The following PLEK variants were observed in gnomAD, a reference collection of about 807,000 sequenced individuals.
PLEK encodes the protein pleckstrin.
Under a neutral mutation model 43.9 loss-of-function variants are expected in PLEK, and 25 were observed. The observed-to-expected ratio is 0.57, with a 90% confidence interval of 0.41 to 0.79. The LOEUF is 0.79. Among genes scored for constraint, PLEK ranks in the 30% least tolerant of loss-of-function variants. The pLI is 0.00. For missense variants in PLEK, 396 were observed against 413.3 expected, an observed-to-expected ratio of 0.96 and a Z score of 0.36; for synonymous variants, 152 against 144.4, an observed-to-expected ratio of 1.05 and a Z score of -0.38.
At chr2:68,373,664 C>T (rs1004393678) in intron 1 of PLEK, among the ~76,000 whole-genome samples, 2 of 151,928 alleles carry the variant, frequency 1.3e-5, no homozygotes, top group Admixed American at 1.3e-4. Context: ...GCATGCAATG[C>T]CAGCTTATCG....
intron 2 of PLEK, 105 bp from the exon 3 acceptor site, chr2:68,380,618 G>T: frequency 7.0e-7 from 1 of 1,425,536 alleles, no homozygotes; most frequent in South Asian, 1.3e-5. Flanking sequence ...CTGGCATTTG[G>T]GTTTCTCTTG....
chr2:68,382,636 A>G lies in PLEK; in HGVS notation c.472+3A>G, dbSNP rs761478468. ...GATTTTTAATCACTGCTTCACAGGT[A>G]AAAGCACTTGCAGGCCTGAAATAGG... is the stretch of plus-strand genomic sequence containing the variant. On this transcript the variant is annotated splice_donor_region_variant and intron_variant, in intron 4 of 8. Coordinates refer to ENST00000234313, the MANE Select transcript of PLEK (RefSeq NM_002664.3). The G allele has an allele frequency of 1.9e-6, 3 of 1,549,322 alleles. No individual in the cohort carries two copies. The highest frequency in any genetic ancestry group is 2.7e-6 in the Non-Finnish European group (3 of 1,121,638).
At position 68,396,083 on chromosome 2, in the gene PLEK, G is replaced by T; in HGVS notation, c.*267G>T. 5.7e-6 allele frequency: 2 copies of T among 351,396 alleles called. No individual in the cohort carries two copies. Among genetic ancestry groups the T allele is most frequent in the Non-Finnish European group, 1.0e-5 (2 of 191,570 alleles). 21.8% of individuals were successfully genotyped at this position (351,396 alleles called of 1,614,324 possible). On this transcript the variant is annotated 3_prime_UTR_variant, in exon 9 of 9. Coordinates refer to ENST00000234313, the MANE Select transcript of PLEK (RefSeq NM_002664.3). ...TCAGTAGGCTGCTTGCCCTCTCCAG[G>T]CCTCAGGGCCTCTTCTGGAAAATGA...
chr2:68,365,578 C>T, intron 1 of PLEK, 185 bp downstream of exon 1: 1 of 546,306 alleles, frequency 1.8e-6, no homozygotes, highest in Non-Finnish European at 3.4e-6. Flanking sequence ...ACTCATCCAG[C>T]CCCGGCTTCC....
intron 6 of PLEK, among the ~76,000 whole-genome samples, chr2:68,389,374 G>A (rs1391801619): frequency 1.3e-5 from 2 of 152,222 alleles, no homozygotes; most frequent in African/African-American, 4.8e-5. Context: ...ATAATGGAGA[G>A]AATCTGTTGC....
chr2:68,386,175 T>C (rs778925806), intron 4 of PLEK, among the ~76,000 whole-genome samples: 2 of 151,990 alleles, frequency 1.3e-5, no homozygotes. Context: ...TTATGTTGCC[T>C]GGGCTGGTCT....
chr2:68,371,797 GT>G (rs55900996), intron 1 of PLEK, among the ~76,000 whole-genome samples: 3 of 151,062 alleles, frequency 2.0e-5, no homozygotes, highest in Non-Finnish European at 4.4e-5. Context: ...AACGAGTTTA[GT>G]TTTTTTTTGA....
chr2:68,368,729 T>C (rs1053466463), intron 1 of PLEK, among the ~76,000 whole-genome samples: 5 of 152,234 alleles, frequency 3.3e-5, no homozygotes, highest in African/African-American at 1.2e-4. Context: ...GAGCAAATTA[T>C]ATGCTCTGCA....
intron 1 of PLEK, among the ~76,000 whole-genome samples, chr2:68,371,613 G>T (rs1434672608): frequency 6.6e-6 from 1 of 152,198 alleles, no homozygotes; most frequent in Non-Finnish European, 1.5e-5. Context: ...CAGAAGGAGA[G>T]AATGAAGTTT....
rs755655693 is a variant in PLEK, at chr2:68,388,470, G to A, written c.741G>A (p.Lys247=). Residue 247 remains lysine (K), a synonymous_variant, in exon 6 of 9, where the codon AAG becomes AAA. Coordinates refer to ENST00000234313, the MANE Select transcript of PLEK (RefSeq NM_002664.3). ...AAGAATTCAGAGGGGTCATTATCAA[G>A]CAGGGATGTTTACTGAAGCAGGTGA... ...LKEEFRGVII[K]QGCLLKQGHR... 4 of 1,596,736 alleles carry A rather than the reference G, an allele frequency of 2.5e-6. No individual in the cohort carries two copies. The East Asian group carries it at 6.7e-5, about 27-fold the overall frequency.
intron 1 of PLEK, among the ~76,000 whole-genome samples, chr2:68,372,705 A>C (rs1217691823): frequency 6.6e-6 from 1 of 152,166 alleles, no homozygotes; most frequent in East Asian, 1.9e-4. Flanking sequence ...GCACACACAC[A>C]CACAGACACA....
intron 1 of PLEK, among the ~76,000 whole-genome samples, chr2:68,378,173 T>C (rs570040010): frequency 4.1e-4 from 63 of 152,340 alleles, no homozygotes; most frequent in Non-Finnish European, 2.5e-4. Flanking sequence ...TAAACTATGC[T>C]TTAAGATGGA....
chr2:68,393,256 G>A lies in PLEK; in HGVS notation c.846+11G>A, dbSNP rs370959190. The A allele has an allele frequency of 7.8e-6, 12 of 1,546,400 alleles. No individual in the cohort carries two copies. Among genetic ancestry groups the A allele is most frequent in the African/African-American group, 2.7e-5 (2 of 73,662 alleles). ...TATGACCCTGCTGGGGTAAGGTCCT[G>A]TGGTTCATAAATCCATTCAAATAAA... is the stretch of plus-strand genomic sequence containing the variant. On this transcript the variant is annotated intron_variant, in intron 7 of 8. Transcript: ENST00000234313.
Position 68,380,836 on chromosome 2 carries a change from A to G in PLEK, c.312A>G (p.Glu104=). The G allele has an allele frequency of 1.9e-6, 3 of 1,614,096 alleles. No individual in the cohort carries two copies. The highest frequency in any genetic ancestry group is 2.5e-6 in the Non-Finnish European group (3 of 1,179,946). The change falls in exon 3 of 9, where the codon GAA becomes GAG. Residue 104 remains glutamate (E), a synonymous_variant. Transcript: ENST00000234313. ...TCAAGAAGGCCATTAAATGCATTGA[A>G]GGAGGCCAGAAATTTGCCAGGAAAT... ...RDIKKAIKCI[E]GGQKFARKST...
chr2:68,367,594 C>T (rs986207309), intron 1 of PLEK, among the ~76,000 whole-genome samples: 3 of 152,160 alleles, frequency 2.0e-5, no homozygotes, highest in Non-Finnish European at 2.9e-5. Flanking sequence ...AGTTACCTCA[C>T]GTGTGGGTTA....
rs1553358889 is a variant in PLEK at position 68,392,174 on chromosome 2, C to CTTCTTCTTCTT, written c.763-988_763-987insTTCTTCTTCTT. 1.9e-3 allele frequency among the ~76,000 whole-genome samples: 285 copies of CTTCTTCTTCTT among 149,494 alleles called. 2 individuals are homozygous for CTTCTTCTTCTT. The highest frequency in any genetic ancestry group is 5.1e-3 in the African/African-American group (204 of 39,998). On this transcript the variant is annotated intron_variant, in intron 6 of 8. Transcript: ENST00000234313. The stretch of plus-strand genomic sequence containing the variant: ...TTCCTCCCCCTTTTCTCCTCCTCCT[C>CTTCTTCTTCTT]CTTCTTCTTCTTCTTCTTTCTCCTC...
Position 68,396,032 on chromosome 2 carries a change from A to C in PLEK, c.*216A>C. The C allele has an allele frequency of 2.0e-6, 1 of 511,396 alleles. No individual in the cohort carries two copies. The highest frequency in any genetic ancestry group is 3.1e-5 in the Admixed American group (1 of 31,990). 31.7% of individuals were successfully genotyped at this position (511,396 alleles called of 1,614,324 possible). A position where few individuals can be genotyped will look rare whatever the true frequency, so the allele number is the denominator to read the frequency against. On this transcript the variant is annotated 3_prime_UTR_variant, in exon 9 of 9. Coordinates refer to ENST00000234313, the MANE Select transcript of PLEK (RefSeq NM_002664.3). The stretch of plus-strand genomic sequence containing the variant: ...CCCTCTGCCCCTATCCATGACCCCC[A>C]AGCAGATATAACAAGCTGTGCAGCC...
At chr2:68,380,212 T>C in intron 1 of PLEK, 116 bp from the exon 2 acceptor site, 1 of 766,884 alleles carries the variant, frequency 1.3e-6, no homozygotes, top group Non-Finnish European at 2.1e-6. Flanking sequence ...ACAGAGATGA[T>C]GTCACCAAAC....
intron 1 of PLEK, among the ~76,000 whole-genome samples, chr2:68,376,330 G>T (rs1673500217): frequency 6.6e-6 from 1 of 152,022 alleles, no homozygotes; most frequent in African/African-American, 2.4e-5. Context: ...GGAGCTTATG[G>T]GTTGACTGTC....
Sources: gnomAD v4.1 joint callset for allele counts (sites outside exome capture counted in the v4.1 genomes callset) on GRCh38, gnomAD v4.1.1 for gene constraint, MANE v1.5 for transcripts, NCBI Gene and HGNC (gene_info 2026-07-23, HGNC 2026-07-21) for gene names.